Variants in DOCK9 observed in about 807,000 individuals in gnomAD.
The protein encoded by DOCK9 is dedicator of cytokinesis 9.
A neutral mutation model predicts 263.3 loss-of-function variants in DOCK9; 89 were observed. The ratio of observed to expected loss-of-function variants is 0.34; its 90% CI spans 0.28 to 0.40. DOCK9 has a LOEUF of 0.40. DOCK9 is among the 10% of genes least tolerant of loss of function. The pLI is 1.00. For synonymous variants in DOCK9, 976 were observed against 973.1 expected (o/e 1.00, Z -0.06); for missense variants, 2,140 against 2,603.4 (o/e 0.82, Z 3.87).
intron 1 of DOCK9, among the ~76,000 whole-genome samples, chr13:98,992,483 C>T (rs1472299361): frequency 6.6e-6 from 1 of 152,166 alleles, no homozygotes; most frequent in Non-Finnish European, 1.5e-5. Context: ...TGTGTCTAAA[C>T]CCAAATCTCA....
At chr13:99,056,150 T>C (rs2040911150) in intron 1 of DOCK9, among the ~76,000 whole-genome samples, 1 of 152,238 alleles carries the variant, frequency 6.6e-6, no homozygotes, top group African/African-American at 2.4e-5. Flanking sequence ...TATATTTTTT[T>C]CCTGTAAACG....
chr13:99,064,002 C>T (rs9513544), intron 1 of DOCK9, among the ~76,000 whole-genome samples: 37,103 of 152,126 alleles, frequency 0.24, 5,917 homozygotes, highest in Non-Finnish European at 0.36. Flanking sequence ...TATTCTGAAG[C>T]CTTCTACTAA....
chr13:98,910,511 G>GT (rs112318204), intron 9 of DOCK9, among the ~76,000 whole-genome samples: 2 of 152,276 alleles, frequency 1.3e-5, no homozygotes, highest in African/African-American at 4.8e-5. Context: ...CACTCACACT[G>GT]TAAGTAATGA....
In DOCK9 at chr13:98,984,863, T is replaced by C. The variant is rs563883696; in HGVS notation, c.130-29312A>G. Among the ~76,000 whole-genome samples the C allele has an allele frequency of 3.3e-5, 5 of 152,282 alleles. No individual in the cohort carries two copies. In the South Asian group the frequency reaches 1.0e-3, roughly 32 times the overall value. ...ATATTAAGTATGAGAACTTTCCTTA[T>C]TGATAATATCTGGGGAAAAACAAAC... On this transcript the variant is annotated intron_variant, in intron 1 of 32. Coordinates refer to the DOCK9 transcript ENST00000427887.
chr13:99,065,486 G>A (rs149607776), intron 1 of DOCK9, among the ~76,000 whole-genome samples: 4,229 of 152,242 alleles, frequency 0.028, 95 homozygotes, highest in South Asian at 0.063. Context: ...GGCCTTGTCT[G>A]CCTTCCTCAC....
rs200850785 is a variant in DOCK9 at position 98,955,318 on chromosome 13, C to CA, written c.243+116dup. The CA allele has an allele frequency of 9.7e-3, 6,310 of 647,448 alleles. 16 individuals are homozygous for CA. Among genetic ancestry groups the CA allele is most frequent in the South Asian group, 0.051 (1,532 of 30,238 alleles). 40.1% of individuals were successfully genotyped at this position (647,448 alleles called of 1,614,324 possible). Reference sequence around the variant, plus strand: ...TGCGTGACAGAGCAAGACTGTGTCTCAAAAAAAATAATAATAATAATAATT... The same window carrying CA: ...TGCGTGACAGAGCAAGACTGTGTCTCAAAAAAAAATAATAATAATAATAATT... On this transcript the variant is annotated intron_variant, in intron 2 of 52. Coordinates refer to ENST00000682017, the MANE Select transcript of DOCK9 (RefSeq NM_001366683.2).
At chr13:99,038,975 T>C (rs1033540102) in intron 1 of DOCK9, among the ~76,000 whole-genome samples, 1 of 152,254 alleles carries the variant, frequency 6.6e-6, no homozygotes, top group Non-Finnish European at 1.5e-5. Context: ...CTTCTGATTA[T>C]AAAACATTAA....
chr13:98,800,519 G>A (rs769273058), intron 49 of DOCK9, 41 bp from the exon 50 acceptor site: 31 of 1,593,162 alleles, frequency 1.9e-5, no homozygotes, highest in South Asian at 2.2e-5. Flanking sequence ...TGGCTTGCAC[G>A]AGCTTTAGTG....
intron 1 of DOCK9, among the ~76,000 whole-genome samples, chr13:99,038,186 T>C (rs1293135055): frequency 6.6e-6 from 1 of 152,168 alleles, no homozygotes; most frequent in Non-Finnish European, 1.5e-5. Context: ...TGCTCACTTG[T>C]TTTAGCTTGA....
chr13:98,894,730 T>C (rs1429709532), intron 15 of DOCK9, among the ~76,000 whole-genome samples: 1 of 151,792 alleles, frequency 6.6e-6, no homozygotes, highest in Non-Finnish European at 1.5e-5. Context: ...TGATAATATA[T>C]TACCCACTAC....
intron 1 of DOCK9, among the ~76,000 whole-genome samples, chr13:98,989,169 T>C (rs1879164930): frequency 6.6e-6 from 1 of 152,128 alleles, no homozygotes. Context: ...TCCTCTTTCA[T>C]GAGACCCTCC....
chr13:98,794,522 C>T lies in DOCK9; in HGVS notation c.*104G>A. On this transcript the variant is annotated 3_prime_UTR_variant, in exon 53 of 53. Coordinates refer to ENST00000682017, the MANE Select transcript of DOCK9 (RefSeq NM_001366683.2). Reference sequence around the variant, plus strand: ...CTTTATTTCCTTTCTCTCCCCTTCCCCTTGGTCCTCCCTGTGCTCGGTCTC... The same window carrying T: ...CTTTATTTCCTTTCTCTCCCCTTCCTCTTGGTCCTCCCTGTGCTCGGTCTC... 8.0e-7 allele frequency: 1 copy of T among 1,247,774 alleles called. No individual in the cohort carries two copies. Among genetic ancestry groups the T allele is most frequent in the Non-Finnish European group, 1.1e-6 (1 of 908,790 alleles). 77.3% of individuals were successfully genotyped at this position (1,247,774 alleles called of 1,614,324 possible). A position where few individuals can be genotyped will look rare whatever the true frequency, so the allele number is the denominator to read the frequency against.
intron 1 of DOCK9, among the ~76,000 whole-genome samples, chr13:99,063,960 C>T (rs969485383): frequency 5.9e-5 from 9 of 152,214 alleles, no homozygotes; most frequent in Non-Finnish European, 7.3e-5. Flanking sequence ...AGGCTCAACA[C>T]TTTCATAGCC....
intron 3 of DOCK9, among the ~76,000 whole-genome samples, chr13:98,927,508 A>G (rs1369595987): frequency 6.6e-6 from 1 of 152,216 alleles, no homozygotes; most frequent in African/African-American, 2.4e-5. Flanking sequence ...CTCCTGCAGG[A>G]CATTAAAACT....
At chr13:99,083,469 T>A (rs539763211) in intron 1 of DOCK9, among the ~76,000 whole-genome samples, 2 of 152,128 alleles carry the variant, frequency 1.3e-5, no homozygotes, top group South Asian at 4.1e-4. Flanking sequence ...ATATACTAGT[T>A]ATATAGAGGT....
At chr13:99,006,811 G>A (rs1047723985) in intron 1 of DOCK9, among the ~76,000 whole-genome samples, 3 of 152,170 alleles carry the variant, frequency 2.0e-5, no homozygotes, top group Non-Finnish European at 2.9e-5. Flanking sequence ...AAAAAGCATG[G>A]TGGGGTGTGG....
intron 22 of DOCK9, among the ~76,000 whole-genome samples, 179 bp from the exon 23 acceptor site, chr13:98,883,310 T>C (rs1594942710): frequency 6.6e-6 from 1 of 152,150 alleles, no homozygotes; most frequent in East Asian, 1.9e-4. Context: ...TGCAGTGACA[T>C]GACCATGGCT....
At chr13:98,922,020 G>A (rs1566971186) in intron 6 of DOCK9, 31 bp downstream of exon 6, 1 of 1,532,158 alleles carries the variant, frequency 6.5e-7, no homozygotes, top group East Asian at 2.4e-5. Flanking sequence ...GGGCTTGTGA[G>A]AGGGGAGGGC....
At chr13:99,071,949 T>C (rs143395196) in intron 1 of DOCK9, among the ~76,000 whole-genome samples, 83 of 152,346 alleles carry the variant, frequency 5.4e-4, no homozygotes, top group African/African-American at 1.9e-3. Context: ...CTAGTTTCCA[T>C]GAGACCTCTT....
Sources: allele counts gnomAD v4.1 joint callset (sites outside exome capture counted in the v4.1 genomes callset), GRCh38; gene constraint gnomAD v4.1.1; transcripts MANE v1.5; gene names NCBI Gene and HGNC (gene_info 2026-07-23, HGNC 2026-07-21).